The following SGCG variants were observed in gnomAD, a reference collection of about 807,000 sequenced individuals.
SGCG encodes the protein gamma-sarcoglycan.
SGCG carries 26 observed loss-of-function variants against 29.3 expected under a neutral mutation model. That is an observed-to-expected ratio of 0.89 (90% CI 0.65 to 1.23). SGCG has a LOEUF of 1.23. Among genes scored for constraint, SGCG ranks in the 50% most tolerant of loss-of-function variants. The pLI is 0.00. For missense variants in SGCG, 353 were observed against 356.0 expected (o/e 0.99, Z 0.07); for synonymous variants, 145 against 129.7 (o/e 1.12, Z -0.80).
intron 2 of SGCG, among the ~76,000 whole-genome samples, chr13:23,214,436 T>C (rs1364594673): frequency 6.6e-6 from 1 of 152,152 alleles, no homozygotes; most frequent in African/African-American, 2.4e-5. Flanking sequence ...AAGCAATATG[T>C]GGGAAGGAAG....
intron 6 of SGCG, among the ~76,000 whole-genome samples, chr13:23,315,809 A>G (rs984425513): frequency 6.6e-6 from 1 of 152,206 alleles, no homozygotes; most frequent in African/African-American, 2.4e-5. Context: ...GGTGACAAAG[A>G]AATTTGGGGA....
At chr13:23,312,907 T>G (rs1466615848) in intron 6 of SGCG, among the ~76,000 whole-genome samples, 1 of 152,214 alleles carries the variant, frequency 6.6e-6, no homozygotes, top group African/African-American at 2.4e-5. Flanking sequence ...CAGTTTAGTC[T>G]TAGTGCTGAG....
At chr13:23,184,212 T>TA (rs1016497580) in intron 1 of SGCG, among the ~76,000 whole-genome samples, 2 of 152,216 alleles carry the variant, frequency 1.3e-5, no homozygotes, top group Non-Finnish European at 2.9e-5. Context: ...ATAAAAAACT[T>TA]AAGTGTACCT....
intron 4 of SGCG, among the ~76,000 whole-genome samples, chr13:23,265,965 CAT>C (rs1401561094): frequency 1.3e-5 from 2 of 152,170 alleles, no homozygotes; most frequent in Admixed American, 6.5e-5. Context: ...CCTGCACACA[CAT>C]GTTTATCACA....
rs564230800 is a variant in SGCG, at chr13:23,240,673, T to G, written c.297+5961T>G. On this transcript the variant is annotated intron_variant, in intron 3 of 7. Coordinates refer to ENST00000218867, the MANE Select transcript of SGCG (RefSeq NM_000231.3). ...CTATAACATAAATATATCTGAAAAT[T>G]TTTTGAATAACTGGAAATTATATAA... 3.8e-4 allele frequency among the ~76,000 whole-genome samples: 58 copies of G among 151,210 alleles called. No individual in the cohort carries two copies. The South Asian group carries it at 4.2e-3, about 11-fold the overall frequency.
intron 5 of SGCG, among the ~76,000 whole-genome samples, chr13:23,291,330 A>G (rs1162035367): frequency 2.7e-5 from 4 of 146,820 alleles, no homozygotes; most frequent in Admixed American, 2.7e-4. Flanking sequence ...TTCAAATAAT[A>G]TGTTTCATTT....
chr13:23,291,835 A>G (rs1881717341), intron 5 of SGCG, among the ~76,000 whole-genome samples: 1 of 152,202 alleles, frequency 6.6e-6, no homozygotes, highest in Non-Finnish European at 1.5e-5. Context: ...AGTTGATTAT[A>G]TGAAATGGGT....
chr13:23,296,486 G>C (rs1173034541), intron 6 of SGCG, among the ~76,000 whole-genome samples: 1 of 152,150 alleles, frequency 6.6e-6, no homozygotes, highest in Non-Finnish European at 1.5e-5. Flanking sequence ...GTAGTCTTAA[G>C]TACATTCATA....
intron 5 of SGCG, among the ~76,000 whole-genome samples, chr13:23,290,300 C>T (rs1814308733): frequency 6.6e-6 from 1 of 152,130 alleles, no homozygotes; most frequent in South Asian, 2.1e-4. Flanking sequence ...GAAGTCTAGA[C>T]TAGAGATAAA....
chr13:23,215,295 T>C (rs1036305796), intron 2 of SGCG, among the ~76,000 whole-genome samples: 3 of 152,204 alleles, frequency 2.0e-5, no homozygotes, highest in African/African-American at 4.8e-5. Context: ...TATGAAACTG[T>C]TAATGTCTTC....
In SGCG at chr13:23,242,513, T is replaced by A. The variant is rs527332430; in HGVS notation, c.297+7801T>A. On this transcript the variant is annotated intron_variant, in intron 3 of 7. Coordinates refer to ENST00000218867, the MANE Select transcript of SGCG (RefSeq NM_000231.3). Reference sequence around the variant, plus strand: ...TAATAAAAAGTTCTACGTTCTATGATTCTTTCACCTACTCCCTAAGGTGTA... The same window carrying A: ...TAATAAAAAGTTCTACGTTCTATGAATCTTTCACCTACTCCCTAAGGTGTA... Among the ~76,000 whole-genome samples the A allele has an allele frequency of 2.0e-5, 3 of 152,322 alleles. No individual in the cohort carries two copies. The South Asian group carries it at 6.2e-4, about 32-fold the overall frequency.
chr13:23,301,668 C>A (rs1882163971), intron 6 of SGCG, among the ~76,000 whole-genome samples: 1 of 152,134 alleles, frequency 6.6e-6, no homozygotes. Context: ...GGGTGGATTA[C>A]CTGAGGTCGG....
chr13:23,248,198 T>A (rs1165534660), intron 3 of SGCG, among the ~76,000 whole-genome samples: 2 of 151,474 alleles, frequency 1.3e-5, no homozygotes, highest in Non-Finnish European at 3.0e-5. Context: ...CAAAAAAAAT[T>A]TCTATCAAAA....
At chr13:23,234,366 CTT>C (rs1208287215) in intron 2 of SGCG, among the ~76,000 whole-genome samples, 1 of 151,704 alleles carries the variant, frequency 6.6e-6, no homozygotes, top group African/African-American at 2.4e-5. Context: ...GTGATGGGCT[CTT>C]GAGTATTATA....
chr13:23,214,927 A>G (rs1310467460), intron 2 of SGCG, among the ~76,000 whole-genome samples: 1 of 152,216 alleles, frequency 6.6e-6, no homozygotes, highest in Non-Finnish European at 1.5e-5. Context: ...ACCTAAAGCT[A>G]TTCCAAGTAC....
intron 1 of SGCG, among the ~76,000 whole-genome samples, chr13:23,200,714 T>C (rs1877710011): frequency 6.6e-6 from 1 of 151,982 alleles, no homozygotes; most frequent in Admixed American, 6.6e-5. Flanking sequence ...GTGGTGTTGG[T>C]GGGGCCTGTT....
intron 4 of SGCG, among the ~76,000 whole-genome samples, chr13:23,269,584 C>G (rs540653764): frequency 1.3e-5 from 2 of 152,258 alleles, no homozygotes; most frequent in South Asian, 4.1e-4. Context: ...TCTTAGGCTC[C>G]CATCATACTT....
At chr13:23,290,426 C>T (rs780369673) in intron 5 of SGCG, among the ~76,000 whole-genome samples, 15 of 152,210 alleles carry the variant, frequency 9.9e-5, no homozygotes, top group Non-Finnish European at 2.1e-4. Flanking sequence ...AGGGATATTA[C>T]GATAATCGTT....
intron 5 of SGCG, among the ~76,000 whole-genome samples, chr13:23,282,823 T>A (rs766012820): frequency 1.8e-4 from 27 of 152,208 alleles, no homozygotes; most frequent in Non-Finnish European, 3.1e-4. Flanking sequence ...GAGACTGTCC[T>A]GTGCATTGCA....
Sources: gnomAD v4.1 joint callset for allele counts (sites outside exome capture counted in the v4.1 genomes callset) on GRCh38, gnomAD v4.1.1 for gene constraint, MANE v1.5 for transcripts, NCBI Gene and HGNC (gene_info 2026-07-23, HGNC 2026-07-21) for gene names.